The following C9 variants were observed in gnomAD, a reference collection of about 807,000 sequenced individuals.
C9 encodes complement C9, also known as complement component C9.
C9 carries 63 observed loss-of-function variants against 65.4 expected under a neutral mutation model. That is an observed-to-expected ratio of 0.96 (90% CI 0.79 to 1.19). The LOEUF (loss-of-function observed/expected upper bound fraction) is 1.19. Among genes scored for constraint, C9 ranks in the 50% most tolerant of loss-of-function variants. C9 has a pLI of 0.00. For synonymous variants in C9, 229 were observed against 227.9 expected, an observed-to-expected ratio of 1.00 and a Z score of -0.04; for missense variants, 744 against 670.1, an observed-to-expected ratio of 1.11 and a Z score of -1.22.
chr5:39,289,262 G>C (rs756537617), intron 9 of C9, among the ~76,000 whole-genome samples: 12 of 151,468 alleles, frequency 7.9e-5, no homozygotes, highest in Non-Finnish European at 1.3e-4. Flanking sequence ...GAACAACTGA[G>C]GGACTTAAAC....
At chr5:39,306,579 G>A in intron 9 of C9, 38 bp downstream of exon 9, 1 of 1,499,312 alleles carries the variant, frequency 6.7e-7, no homozygotes, top group Admixed American at 1.7e-5. Flanking sequence ...ATAAAAAAAT[G>A]ACACAGTCTT....
At position 39,287,871 on chromosome 5, in the gene C9, G is replaced by A. The variant is rs1399511233; in HGVS notation, c.1645+852C>T. Among the ~76,000 whole-genome samples, 4 of 151,880 alleles carry A rather than the reference G, an allele frequency of 2.6e-5. No homozygotes were observed. In the East Asian group the frequency reaches 7.7e-4, roughly 29 times the overall value. ...TGAGGGTTGAAAAATTACCTGTTGG[G>A]TACAATGTTCACTATTTGGGTGATG... On this transcript the variant is annotated intron_variant, in intron 10 of 10. Transcript: ENST00000263408.
intron 9 of C9, among the ~76,000 whole-genome samples, chr5:39,301,806 A>G (rs1753288909): frequency 6.6e-6 from 1 of 152,124 alleles, no homozygotes; most frequent in Admixed American, 6.6e-5. Flanking sequence ...GAACTTCTAC[A>G]AAGTCAGCAT....
chr5:39,351,575 G>T (rs1754322293), intron 1 of C9, among the ~76,000 whole-genome samples: 1 of 152,168 alleles, frequency 6.6e-6, no homozygotes, highest in Non-Finnish European at 1.5e-5. Flanking sequence ...TCTTCTACCA[G>T]ATACCTTAAG....
intron 9 of C9, among the ~76,000 whole-genome samples, chr5:39,292,672 A>G (rs776907944): frequency 6.6e-6 from 1 of 151,740 alleles, no homozygotes; most frequent in Non-Finnish European, 1.5e-5. Context: ...TGTATGTAAA[A>G]ATTTAAAAAT....
chr5:39,297,740 G>A (rs1260789106), intron 9 of C9, among the ~76,000 whole-genome samples: 1 of 151,538 alleles, frequency 6.6e-6, no homozygotes, highest in African/African-American at 2.4e-5. Flanking sequence ...GAACTGAAAA[G>A]AGAAATAATA....
chr5:39,352,841 T>G (rs78236669), intron 1 of C9, among the ~76,000 whole-genome samples: 18 of 148,740 alleles, frequency 1.2e-4, no homozygotes, highest in African/African-American at 4.4e-4. Flanking sequence ...TAAGTTTTTT[T>G]TTTTTTTTTT....
intron 8 of C9, 151 bp from the exon 9 acceptor site, chr5:39,306,943 C>A: frequency 2.0e-5 from 12 of 596,200 alleles, no homozygotes; most frequent in Non-Finnish European, 2.4e-5. Context: ...ATTGCTTATG[C>A]ATTTTTTCAC....
Position 39,316,039 on chromosome 5 carries a change from AAT to A in C9, c.616-12_616-11del. The A allele has an allele frequency of 6.2e-7, 1 of 1,606,688 alleles. No individual in the cohort carries two copies. On this transcript the variant is annotated splice_polypyrimidine_tract_variant and intron_variant, in intron 5 of 10. Coordinates refer to ENST00000263408, the MANE Select transcript of C9 (RefSeq NM_001737.5). ...TTTTCTCGCCTTTGGTCTAAAAGAG[AAT>A]AAAAAAGTGTTGTTAAAAACAAGAT...
rs1432322122 is a variant in C9 at position 39,288,768 on chromosome 5, A to G, written c.1600T>C (p.Phe534Leu). The G allele has an allele frequency of 6.2e-7, 1 of 1,612,314 alleles. No individual in the cohort carries two copies. Among genetic ancestry groups the G allele is most frequent in the Non-Finnish European group, 8.5e-7 (1 of 1,178,910 alleles). The part of the protein sequence containing the change: ...GKCLCACPFK[F>L]EGIACEISKQ... ...CTGATTTCACAGGCAATTCCCTCAA[A>G]TTTGAATGGGCAGGCACACAAACAC... is the stretch of plus-strand genomic sequence containing the variant. Residue 534 changes from phenylalanine (F) to leucine (L), a missense_variant, in exon 10 of 11, where the codon TTT (phenylalanine) becomes CTT (leucine). By Grantham distance (22) the Phe-to-Leu change is conservative (BLOSUM62 0). Coordinates refer to ENST00000263408, the MANE Select transcript of C9 (RefSeq NM_001737.5).
At chr5:39,343,240 C>G (rs1232782069) in intron 1 of C9, among the ~76,000 whole-genome samples, 1 of 152,164 alleles carries the variant, frequency 6.6e-6, no homozygotes. Flanking sequence ...ATCGCCTCAC[C>G]CGGGAAGTGC....
intron 1 of C9, among the ~76,000 whole-genome samples, chr5:39,355,462 T>G (rs2111982037): frequency 6.9e-5 from 1 of 14,512 alleles, no homozygotes. Flanking sequence ...CTCCTTTTTG[T>G]TTTTTTTTAT....
intron 9 of C9, among the ~76,000 whole-genome samples, chr5:39,294,090 T>C (rs954637672): frequency 4.0e-5 from 6 of 151,710 alleles, no homozygotes; most frequent in African/African-American, 1.4e-4. Context: ...GAAACCAATG[T>C]CTACTTCAAA....
chr5:39,285,700 CTT>C (rs35852227), intron 10 of C9, among the ~76,000 whole-genome samples: 5 of 143,956 alleles, frequency 3.5e-5, no homozygotes, highest in Non-Finnish European at 6.1e-5. Context: ...TGTTTTGTTT[CTT>C]TTTTTTTTTT....
intron 9 of C9, among the ~76,000 whole-genome samples, chr5:39,294,336 A>G (rs1753147445): frequency 6.6e-6 from 1 of 150,396 alleles, no homozygotes; most frequent in African/African-American, 2.4e-5. Flanking sequence ...TAAGAAAAAG[A>G]AAAAAGAAGC....
chr5:39,287,031 T>TA (rs1399947149), intron 10 of C9, among the ~76,000 whole-genome samples: 2 of 151,998 alleles, frequency 1.3e-5, no homozygotes, highest in African/African-American at 4.8e-5. Context: ...CATAGAAAGT[T>TA]AATCTTAATA....
In C9 at chr5:39,294,075, T is replaced by G. The variant is rs147728035; in HGVS notation, c.1417-5124A>C. Among the ~76,000 whole-genome samples the G allele has an allele frequency of 1.4e-3, 206 of 151,752 alleles. 1 individual carries two copies. The South Asian group carries it at 0.028, about 20-fold the overall frequency. On this transcript the variant is annotated intron_variant, in intron 9 of 10. Coordinates refer to ENST00000263408, the MANE Select transcript of C9 (RefSeq NM_001737.5). Reference sequence around the variant, plus strand: ...GAAAAGGCAGTAGTAAGAGGGAAGTTTATAGAAACCAATGTCTACTTCAAA... The same window carrying G: ...GAAAAGGCAGTAGTAAGAGGGAAGTGTATAGAAACCAATGTCTACTTCAAA...
At chr5:39,329,433 A>C (rs1259415284) in intron 5 of C9, among the ~76,000 whole-genome samples, 1 of 152,224 alleles carries the variant, frequency 6.6e-6, no homozygotes, top group Non-Finnish European at 1.5e-5. Context: ...TAGATAAAGA[A>C]ACTGAGGCAC....
chr5:39,340,081 G>A (rs138594029), intron 4 of C9, among the ~76,000 whole-genome samples: 72 of 152,216 alleles, frequency 4.7e-4, no homozygotes, highest in African/African-American at 1.7e-3. Flanking sequence ...CCCGGGACTG[G>A]AGTCCTATCC....
Sources: gnomAD v4.1 joint callset for allele counts (sites outside exome capture counted in the v4.1 genomes callset) on GRCh38, gnomAD v4.1.1 for gene constraint, MANE v1.5 for transcripts, NCBI Gene and HGNC (gene_info 2026-07-23, HGNC 2026-07-21) for gene names.